SLC25A26: variants seen among roughly 807,000 people sequenced by gnomAD.
SLC25A26 encodes the protein mitochondrial S-adenosylmethionine carrier protein.
A neutral mutation model predicts 37.8 loss-of-function variants in SLC25A26; 36 were observed. The observed-to-expected ratio is 0.95, with a 90% CI of 0.73 to 1.26. The LOEUF is 1.26. SLC25A26 is among the 50% of genes most tolerant of loss of function. The pLI is 0.00. For synonymous variants in SLC25A26, 129 were observed against 122.5 expected (o/e 1.05, Z -0.35); for missense variants, 390 against 331.1 (o/e 1.18, Z -1.38).
intron 5 of SLC25A26, among the ~76,000 whole-genome samples, chr3:66,275,335 G>T (rs1481657123): frequency 6.6e-6 from 1 of 151,866 alleles, no homozygotes; most frequent in Non-Finnish European, 1.5e-5. Context: ...CACCAGCATG[G>T]CACATGTATA....
At chr3:66,158,585 C>T (rs2070315628) in intron 1 of SLC25A26, among the ~76,000 whole-genome samples, 1 of 152,138 alleles carries the variant, frequency 6.6e-6, no homozygotes, top group South Asian at 2.1e-4. Context: ...AGGAGAGTTC[C>T]AATTTCTCTA....
At chr3:66,306,973 G>T (rs922210387) in intron 5 of SLC25A26, among the ~76,000 whole-genome samples, 11 of 145,390 alleles carry the variant, frequency 7.6e-5, no homozygotes, top group African/African-American at 2.4e-4. Context: ...ACATATGTGT[G>T]TGTGTGCCTT....
intron 5 of SLC25A26, among the ~76,000 whole-genome samples, chr3:66,295,356 TGGGATTACA>T (rs1246083451): frequency 6.6e-6 from 1 of 151,840 alleles, no homozygotes; most frequent in Non-Finnish European, 1.5e-5. Context: ...CCTGAGTAGC[TGGGATTACA>T]GGCGCATGCC....
At chr3:66,344,643 G>T (rs1010687955) in intron 5 of SLC25A26, among the ~76,000 whole-genome samples, 4 of 152,214 alleles carry the variant, frequency 2.6e-5, no homozygotes, top group African/African-American at 9.7e-5. Context: ...GGCCCGTGGC[G>T]TGTGCGTGTT....
At chr3:66,205,435 G>C (rs1272935406) in intron 1 of SLC25A26, among the ~76,000 whole-genome samples, 1 of 152,176 alleles carries the variant, frequency 6.6e-6, no homozygotes, top group Non-Finnish European at 1.5e-5. Flanking sequence ...GGTGCTTGCA[G>C]GTAATTGACT....
chr3:66,167,958 A>T (rs1423740035), intron 1 of SLC25A26, among the ~76,000 whole-genome samples: 8 of 151,922 alleles, frequency 5.3e-5, no homozygotes, highest in African/African-American at 1.9e-4. Flanking sequence ...GTTCGAGGCC[A>T]GCCTGACCAA....
intron 1 of SLC25A26, among the ~76,000 whole-genome samples, chr3:66,207,506 C>A (rs2071196809): frequency 6.6e-6 from 1 of 152,118 alleles, no homozygotes; most frequent in Admixed American, 6.6e-5. Flanking sequence ...TTGTTCAGCC[C>A]AGGCCTGATT....
At chr3:66,302,134 A>G (rs921408848) in intron 5 of SLC25A26, among the ~76,000 whole-genome samples, 1 of 152,162 alleles carries the variant, frequency 6.6e-6, no homozygotes, top group East Asian at 1.9e-4. Context: ...AGTGTCTCTA[A>G]TACTCCATCT....
chr3:66,239,579 G>C (rs782450592), intron 2 of SLC25A26, among the ~76,000 whole-genome samples: 1 of 152,136 alleles, frequency 6.6e-6, no homozygotes, highest in African/African-American at 2.4e-5. Context: ...TCCTTGGCTG[G>C]CATTAACTTC....
chr3:66,360,327 T>G (rs1230823050), intron 6 of SLC25A26, among the ~76,000 whole-genome samples: 2 of 152,246 alleles, frequency 1.3e-5, no homozygotes, highest in African/African-American at 2.4e-5. Flanking sequence ...GAGGTCTTTT[T>G]TGTTAATATT....
chr3:66,293,610 A>C (rs1366159870), intron 5 of SLC25A26, among the ~76,000 whole-genome samples: 2 of 151,370 alleles, frequency 1.3e-5, no homozygotes, highest in African/African-American at 4.9e-5. Context: ...CTCATCATTT[A>C]GCTCGCAATT....
At chr3:66,215,228 G>C (rs2071343229) in intron 1 of SLC25A26, among the ~76,000 whole-genome samples, 1 of 152,032 alleles carries the variant, frequency 6.6e-6, no homozygotes, top group South Asian at 2.1e-4. Context: ...TTGAGACAGG[G>C]TCTTGCTTTG....
At chr3:66,300,552 G>T (rs1458543259) in intron 5 of SLC25A26, among the ~76,000 whole-genome samples, 1 of 152,060 alleles carries the variant, frequency 6.6e-6, no homozygotes, top group African/African-American at 2.4e-5. Flanking sequence ...TTTGGTGGTG[G>T]TGTCGCTGAT....
intron 5 of SLC25A26, among the ~76,000 whole-genome samples, chr3:66,270,086 G>A (rs1323729812): frequency 2.0e-5 from 3 of 152,130 alleles, no homozygotes; most frequent in African/African-American, 7.2e-5. Flanking sequence ...GGGGCTTGGA[G>A]TTATGTAGGG....
intron 1 of SLC25A26, among the ~76,000 whole-genome samples, chr3:66,156,206 G>A (rs899441341): frequency 6.6e-6 from 1 of 152,138 alleles, no homozygotes. Flanking sequence ...TGAGCACTGG[G>A]GTACCATTCA....
chr3:66,136,720 G>GC (rs2069951817), intron 1 of SLC25A26, among the ~76,000 whole-genome samples: 2 of 152,172 alleles, frequency 1.3e-5, no homozygotes, highest in Non-Finnish European at 2.9e-5. Flanking sequence ...TCTTGGCTTT[G>GC]CATCAAGTAG....
intron 3 of SLC25A26, among the ~76,000 whole-genome samples, chr3:66,257,613 T>C (rs935767950): frequency 6.6e-6 from 1 of 152,184 alleles, no homozygotes; most frequent in African/African-American, 2.4e-5. Context: ...TCATTTCCTG[T>C]GGGGTCTTCA....
rs148706734 is a variant in SLC25A26 at position 66,302,173 on chromosome 3, C to T, written c.453+38794C>T. Among the ~76,000 whole-genome samples, 142 of 152,296 alleles carry T rather than the reference C, an allele frequency of 9.3e-4. 4 individuals carry two copies. In the East Asian group the frequency reaches 0.026, roughly 28 times the overall value. ...GTGCAGAAGTATATCCTGAACCTTC[C>T]TCCCTCTGAATTTGCCCACTTGGCA... On this transcript the variant is annotated intron_variant, in intron 5 of 9. Transcript: ENST00000354883.
intron 6 of SLC25A26, among the ~76,000 whole-genome samples, chr3:66,347,192 C>T (rs756554115): frequency 6.6e-6 from 1 of 152,134 alleles, no homozygotes; most frequent in Non-Finnish European, 1.5e-5. Flanking sequence ...AGACTACCTA[C>T]AGAACGGGAG....
Sources: allele counts gnomAD v4.1 joint callset (sites outside exome capture counted in the v4.1 genomes callset), GRCh38; gene constraint gnomAD v4.1.1; transcripts MANE v1.5; gene names NCBI Gene and HGNC (gene_info 2026-07-23, HGNC 2026-07-21).